Variants in ZMYM4 observed in about 807,000 individuals in gnomAD.
The protein encoded by ZMYM4 is zinc finger MYM-type protein 4.
In ZMYM4, 31 loss-of-function variants were observed where a neutral mutation model predicts 183.2. The ratio of observed to expected loss-of-function variants is 0.17; its 90% confidence interval spans 0.13 to 0.23. The LOEUF (loss-of-function observed/expected upper bound fraction) is 0.23, where lower values mean the gene tolerates loss of function less well. ZMYM4 is among the 10% of genes least tolerant of loss of function. The pLI is 1.00. For synonymous variants in ZMYM4, 592 were observed against 631.2 expected (o/e 0.94, Z 0.93); for missense variants, 1,273 against 1,840.3 (o/e 0.69, Z 5.64).
At chr1:35,336,910 GAAT>G (rs764135915) in intron 2 of ZMYM4, among the ~76,000 whole-genome samples, 3 of 152,166 alleles carry the variant, frequency 2.0e-5, no homozygotes, top group Non-Finnish European at 2.9e-5. Flanking sequence ...GACAGCGAGT[GAAT>G]TCTCATGAGG....
At position 35,358,915 on chromosome 1, in the gene ZMYM4, A is replaced by G; in HGVS notation, c.86-10A>G. On this transcript the variant is annotated splice_polypyrimidine_tract_variant and intron_variant, in intron 2 of 29. Coordinates refer to ENST00000314607, the MANE Select transcript of ZMYM4 (RefSeq NM_005095.3). ...CTATCATTTGTCTAAACAGTATTTT[A>G]CTTTTTAAGGTGGTGGTATCATGGA... is the stretch of plus-strand genomic sequence containing the variant. 6.2e-7 allele frequency: 1 copy of G among 1,604,942 alleles called. No homozygotes were observed. Among genetic ancestry groups the G allele is most frequent in the Non-Finnish European group, 8.5e-7 (1 of 1,174,726 alleles).
chr1:35,290,669 A>G (rs962806482), intron 1 of ZMYM4, among the ~76,000 whole-genome samples: 4 of 152,080 alleles, frequency 2.6e-5, no homozygotes, highest in African/African-American at 7.2e-5. Flanking sequence ...GCCTCAAACA[A>G]TCTTCCTGCC....
chr1:35,387,525 G>T lies in ZMYM4; in HGVS notation c.2184G>T (p.Met728Ile). Residue 728 changes from methionine (M) to isoleucine (I), a missense_variant, in exon 13 of 30, where the codon ATG becomes ATT. This residue lies in a region of ZMYM4 where 319 missense variants were observed against 518.1 expected (regional missense o/e 0.62). Transcript: ENST00000314607. ...EYKKINNVMA[M>I]CEYCKIEKIV... ...AGAAAATAAATAATGTAATGGCAATGTGTGAATATTGTAAAATTGAGAAAA... is the reference window on the plus strand; with the variant it reads ...AGAAAATAAATAATGTAATGGCAATTTGTGAATATTGTAAAATTGAGAAAA... 2.5e-6 allele frequency: 4 copies of T among 1,613,738 alleles called. No homozygotes were observed. Among genetic ancestry groups the T allele is most frequent in the Non-Finnish European group, 3.4e-6 (4 of 1,179,836 alleles).
chr1:35,419,737 C>A lies in ZMYM4; in HGVS notation c.*60C>A. 1 of 1,535,940 alleles carries A rather than the reference C, an allele frequency of 6.5e-7. No homozygotes were observed. The highest frequency in any genetic ancestry group is 9.0e-7 in the Non-Finnish European group (1 of 1,116,706). ...GTATGCACCAAACTGTGAATGCATCCAGCTGTTGGAAAATGATGTATAAGT... is the reference window on the plus strand; with the variant it reads ...GTATGCACCAAACTGTGAATGCATCAAGCTGTTGGAAAATGATGTATAAGT... On this transcript the variant is annotated 3_prime_UTR_variant, in exon 30 of 30. Coordinates refer to ENST00000314607, the MANE Select transcript of ZMYM4 (RefSeq NM_005095.3).
At chr1:35,300,776 A>T (rs987323228) in intron 1 of ZMYM4, among the ~76,000 whole-genome samples, 6 of 152,298 alleles carry the variant, frequency 3.9e-5, no homozygotes, top group African/African-American at 1.4e-4. Context: ...TCCTTAGTAT[A>T]TTCATGCTTT....
chr1:35,344,950 GGGCCT>G (rs576507477), intron 2 of ZMYM4, among the ~76,000 whole-genome samples: 41 of 152,292 alleles, frequency 2.7e-4, no homozygotes, highest in African/African-American at 9.6e-4. Context: ...GGAGACATCC[GGGCCT>G]GGGGCCATTC....
intron 5 of ZMYM4, among the ~76,000 whole-genome samples, chr1:35,366,835 G>A (rs1350679445): frequency 6.6e-6 from 1 of 152,088 alleles, no homozygotes; most frequent in Admixed American, 6.6e-5. Context: ...CCAACATGGT[G>A]AAACCCTGTC....
At chr1:35,360,919 C>T (rs1349236271) in intron 3 of ZMYM4, among the ~76,000 whole-genome samples, 1 of 148,536 alleles carries the variant, frequency 6.7e-6, no homozygotes, top group African/African-American at 2.5e-5. Context: ...AGAACAAATG[C>T]AAGCAATTTT....
chr1:35,406,391 A>C (rs1475346860), intron 25 of ZMYM4, among the ~76,000 whole-genome samples: 1 of 152,202 alleles, frequency 6.6e-6, no homozygotes, highest in Non-Finnish European at 1.5e-5. Context: ...GCAGTGGCTC[A>C]TACTTGTAAT....
intron 25 of ZMYM4, among the ~76,000 whole-genome samples, chr1:35,406,210 T>TA (rs753483493): frequency 1.3e-5 from 2 of 152,314 alleles, no homozygotes; most frequent in Non-Finnish European, 2.9e-5. Context: ...TAACTGTCCT[T>TA]ATTGGAGCAC....
chr1:35,378,055 CAAG>C (rs1183810864), intron 7 of ZMYM4, among the ~76,000 whole-genome samples: 12 of 152,208 alleles, frequency 7.9e-5, no homozygotes, highest in African/African-American at 2.9e-4. Flanking sequence ...AATTCCATGA[CAAG>C]AAATTACTTT....
chr1:35,270,143 A>T (rs1411539735), intron 1 of ZMYM4, among the ~76,000 whole-genome samples: 1 of 151,988 alleles, frequency 6.6e-6, no homozygotes, highest in Non-Finnish European at 1.5e-5. Flanking sequence ...CTTCATAGTA[A>T]CTCCTCCTAG....
chr1:35,375,078 C>T (rs904415766), intron 7 of ZMYM4, among the ~76,000 whole-genome samples: 6 of 151,692 alleles, frequency 4.0e-5, no homozygotes, highest in Admixed American at 2.0e-4. Flanking sequence ...TTTTTTTATT[C>T]GTTCACCCCT....
At position 35,398,272 on chromosome 1, in the gene ZMYM4, TAATG is replaced by T. The variant is rs1462879709; in HGVS notation, c.3200-137_3200-134del. 280 of 689,762 alleles carry T rather than the reference TAATG, an allele frequency of 4.1e-4. 2 individuals are homozygous for T. In the East Asian group the frequency reaches 7.7e-3, roughly 19 times the overall value. The allele number at this position is 689,762 out of a possible 1,614,324, so 42.7% of individuals were successfully genotyped here. On this transcript the variant is annotated intron_variant, in intron 20 of 29. Transcript: ENST00000314607. ...ATTTATCCCTAATGTCTAATTTTGT[TAATG>T]AATTATTCTTTCTGCATATGAAATC...
Position 35,399,047 on chromosome 1 carries a change from T to C in ZMYM4, c.3433+4T>C. The stretch of plus-strand genomic sequence containing the variant: ...CTGGAAGCAGATTTTCCATCAGGTT[T>C]GTGTACAGTAACCTGTCCACTGAAA... On this transcript the variant is annotated splice_donor_region_variant and intron_variant, in intron 22 of 29. Coordinates refer to ENST00000314607, the MANE Select transcript of ZMYM4 (RefSeq NM_005095.3). 1 of 1,613,928 alleles carries C rather than the reference T, an allele frequency of 6.2e-7. No individual in the cohort carries two copies. Among genetic ancestry groups the C allele is most frequent in the African/African-American group, 1.3e-5 (1 of 75,040 alleles).
At chr1:35,411,406 C>T (rs192492295) in intron 26 of ZMYM4, among the ~76,000 whole-genome samples, 135 of 152,176 alleles carry the variant, frequency 8.9e-4, no homozygotes, top group African/African-American at 2.0e-3. Flanking sequence ...CCGCCTGCCT[C>T]GGCCTCCCAA....
Position 35,381,394 on chromosome 1 carries a change from T to C in ZMYM4, c.1317T>C (p.Ser439=). 6.2e-7 allele frequency: 1 copy of C among 1,610,596 alleles called. No individual in the cohort carries two copies. Among genetic ancestry groups the C allele is most frequent in the Non-Finnish European group, 8.5e-7 (1 of 1,178,042 alleles). The part of the protein sequence containing the change: ...KKPIVTINTN[S]ISTKCSMCQK... ...CTATTGTTACCATAAATACAAATAG[T>C]ATTTCAACCAAATGCAGCATGTGTC... Residue 439 remains serine, a synonymous_variant, in exon 8 of 30, where the codon AGT becomes AGC. Transcript: ENST00000314607.
At chr1:35,284,945 TG>T (rs1640399199) in intron 1 of ZMYM4, among the ~76,000 whole-genome samples, 1 of 152,142 alleles carries the variant, frequency 6.6e-6, no homozygotes, top group African/African-American at 2.4e-5. Context: ...CTTCAACATA[TG>T]AATCTGGGGA....
rs1005102173 is a variant in ZMYM4 at position 35,393,591 on chromosome 1, C to T, written c.2767-4C>T. On this transcript the variant is annotated splice_region_variant and splice_polypyrimidine_tract_variant and intron_variant, in intron 17 of 29. Transcript: ENST00000314607. ...TTTTGGTTTCTAATTTGTTTTTTTA[C>T]TAGGCAAGTACTCAAACAGATGCCC... is the stretch of plus-strand genomic sequence containing the variant. 1 of 1,559,912 alleles carries T rather than the reference C, an allele frequency of 6.4e-7. No homozygotes were observed. Among genetic ancestry groups the T allele is most frequent in the Non-Finnish European group, 8.6e-7 (1 of 1,158,818 alleles).
Sources: gnomAD v4.1 joint callset for allele counts (sites outside exome capture counted in the v4.1 genomes callset) on GRCh38, gnomAD v4.1.1 for gene constraint, gnomAD v4.1.1 regional missense constraint, MANE v1.5 for transcripts, NCBI Gene and HGNC (gene_info 2026-07-23, HGNC 2026-07-21) for gene names.